Variants in CLDN14 observed in about 807,000 individuals in gnomAD.
CLDN14 encodes the protein claudin 14.
A neutral mutation model predicts 2.1 loss-of-function variants in CLDN14; 2 were observed. The ratio of observed to expected loss-of-function variants is 0.96; its 90% confidence interval spans 0.39 to 3.01. The LOEUF (loss-of-function observed/expected upper bound fraction) is 3.01. CLDN14 is among the 30% of genes most tolerant of loss of function. CLDN14 has a pLI of 0.09. For missense variants in CLDN14, 298 were observed against 328.0 expected (o/e 0.91, Z 0.71); for synonymous variants, 136 against 154.4 (o/e 0.88, Z 0.88).
chr21:36,563,622 G>GAA (rs748510446), intron 1 of CLDN14, among the ~76,000 whole-genome samples: 2 of 152,168 alleles, frequency 1.3e-5, no homozygotes, highest in Admixed American at 6.5e-5. Flanking sequence ...GCTTAAAGAG[G>GAA]AATTTTTCCC....
At chr21:36,490,971 C>G (rs1338851971) in intron 2 of CLDN14, among the ~76,000 whole-genome samples, 1 of 151,930 alleles carries the variant, frequency 6.6e-6, no homozygotes, top group Admixed American at 6.6e-5. Flanking sequence ...CACACACACA[C>G]ACACACACAC....
chr21:36,502,163 C>T (rs1050870943), intron 2 of CLDN14, among the ~76,000 whole-genome samples: 25 of 152,114 alleles, frequency 1.6e-4, no homozygotes, highest in Admixed American at 1.6e-3. Context: ...CTCCAACATC[C>T]GCAATAGCTG....
intron 1 of CLDN14, among the ~76,000 whole-genome samples, chr21:36,520,453 C>T (rs1041238833): frequency 3.3e-5 from 5 of 152,090 alleles, no homozygotes; most frequent in Non-Finnish European, 5.9e-5. Flanking sequence ...ATACTGTTCT[C>T]GTGGTAGTAA....
rs112005761 is a variant in CLDN14, at chr21:36,462,795, G to A, written c.-81-1019C>T. ...AATACAAAAATTAGCCAGGCATCCC[G>A]TAATCCCAGCTACTCGGGAGGCTGA... On this transcript the variant is annotated intron_variant, in intron 1 of 1. Transcript: ENST00000399135. Among the ~76,000 whole-genome samples the A allele has an allele frequency of 4.4e-3, 675 of 152,092 alleles. 3 individuals carry two copies. Among genetic ancestry groups the A allele is most frequent in the Non-Finnish European group, 6.2e-3 (422 of 67,992 alleles).
chr21:36,486,762 G>A (rs1328887578), intron 2 of CLDN14: 10 of 861,586 alleles, frequency 1.2e-5, no homozygotes, highest in Non-Finnish European at 1.8e-5. Flanking sequence ...GGCTTCCCAC[G>A]AAGGCAATGA....
chr21:36,465,725 G>A (rs1443584083), intron 1 of CLDN14, among the ~76,000 whole-genome samples: 1 of 152,238 alleles, frequency 6.6e-6, no homozygotes, highest in Non-Finnish European at 1.5e-5. Flanking sequence ...GGCTGAACTG[G>A]TGTTCACCTG....
intron 1 of CLDN14, among the ~76,000 whole-genome samples, chr21:36,540,705 A>G (rs556069858): frequency 6.6e-6 from 1 of 152,278 alleles, no homozygotes; most frequent in African/African-American, 2.4e-5. Context: ...TGAGGTACCT[A>G]AGAGTGGTGA....
intron 2 of CLDN14, among the ~76,000 whole-genome samples, chr21:36,504,409 T>C (rs566650622): frequency 6.6e-5 from 10 of 152,278 alleles, no homozygotes; most frequent in African/African-American, 2.4e-4. Flanking sequence ...TGTTATACCA[T>C]TAACTTCCAC....
chr21:36,532,369 T>A (rs1319827551), intron 1 of CLDN14: 1 of 145,170 alleles, frequency 6.9e-6, no homozygotes, highest in Admixed American at 7.1e-5. Flanking sequence ...AATTGTTACA[T>A]GTCAATAAAA....
At chr21:36,552,859 T>G (rs2087572457) in intron 1 of CLDN14, among the ~76,000 whole-genome samples, 1 of 152,232 alleles carries the variant, frequency 6.6e-6, no homozygotes, top group Admixed American at 6.5e-5. Flanking sequence ...CCCCTTTTCT[T>G]GCTCTGAGCT....
Position 36,523,823 on chromosome 21 carries a change from G to GAAAGAAAGA in CLDN14, c.-219-13332_-219-13324dup, listed in dbSNP as rs1555851406. ...AGAAAGAAAGAAAGAAAGAAAGAAA[G>GAAAGAAAGA]AAAGAAAGAAAGAAAGAAAGTGGAT... On this transcript the variant is annotated intron_variant, in intron 1 of 2. Coordinates refer to the CLDN14 transcript ENST00000342108. Among the ~76,000 whole-genome samples, 21 of 142,912 alleles carry GAAAGAAAGA rather than the reference G, an allele frequency of 1.5e-4. 1 individual carries two copies. The highest frequency in any genetic ancestry group is 5.6e-4 in the African/African-American group (20 of 35,788). The allele number at this position is 142,912 out of a possible 152,430, so 93.8% of individuals were successfully genotyped here.
At chr21:36,529,498 C>T (rs1259229927) in intron 1 of CLDN14, among the ~76,000 whole-genome samples, 1 of 152,112 alleles carries the variant, frequency 6.6e-6, no homozygotes, top group Non-Finnish European at 1.5e-5. Flanking sequence ...AGGCTGGCCT[C>T]AAACTCCTGA....
chr21:36,524,437 C>A (rs1351564868), intron 1 of CLDN14, among the ~76,000 whole-genome samples: 1 of 152,192 alleles, frequency 6.6e-6, no homozygotes, highest in Non-Finnish European at 1.5e-5. Flanking sequence ...CAGACTTTAA[C>A]CTGCACAAGG....
At chr21:36,575,741 G>T (rs2087737375) in intron 1 of CLDN14, among the ~76,000 whole-genome samples, 1 of 152,186 alleles carries the variant, frequency 6.6e-6, no homozygotes, top group African/African-American at 2.4e-5. Flanking sequence ...TTACATTGCA[G>T]CTGTTGATGT....
intron 1 of CLDN14, among the ~76,000 whole-genome samples, chr21:36,463,969 C>T (rs1421542344): frequency 6.6e-6 from 1 of 152,194 alleles, no homozygotes. Context: ...ACGGAGTGGA[C>T]TGAAGGTGTG....
intron 1 of CLDN14, among the ~76,000 whole-genome samples, chr21:36,574,532 TAAATC>T (rs1480464648): frequency 1.3e-5 from 2 of 152,166 alleles, no homozygotes; most frequent in African/African-American, 4.8e-5. Flanking sequence ...AATATCTACA[TAAATC>T]AGAAAGTGAT....
intron 2 of CLDN14, among the ~76,000 whole-genome samples, chr21:36,505,511 G>A (rs1192140312): frequency 6.6e-6 from 1 of 152,168 alleles, no homozygotes; most frequent in Non-Finnish European, 1.5e-5. Flanking sequence ...TGACTGGAGA[G>A]CTAAAAAGAA....
At chr21:36,482,759 T>C (rs894155992), upstream of CLDN14, among the ~76,000 whole-genome samples, 2 of 152,100 alleles carry the variant, frequency 1.3e-5, no homozygotes, top group African/African-American at 4.8e-5. Flanking sequence ...GCTCTATTCA[T>C]CAACAGCATA....
At chr21:36,570,882 C>T (rs2087704869) in intron 1 of CLDN14, among the ~76,000 whole-genome samples, 1 of 152,158 alleles carries the variant, frequency 6.6e-6, no homozygotes, top group Admixed American at 6.5e-5. Context: ...CGCTCTGTTG[C>T]CCAGGCTGGA....
Sources: allele counts gnomAD v4.1 joint callset (sites outside exome capture counted in the v4.1 genomes callset), GRCh38; gene constraint gnomAD v4.1.1; transcripts MANE v1.5; gene names NCBI Gene and HGNC (gene_info 2026-07-23, HGNC 2026-07-21).